The following PRORP variants were observed in gnomAD, a reference collection of about 807,000 sequenced individuals.
The protein encoded by PRORP is protein only RNase P catalytic subunit.
PRORP carries 51 observed loss-of-function variants against 59.4 expected under a neutral mutation model. The ratio of observed to expected loss-of-function variants is 0.86; its 90% confidence interval spans 0.69 to 1.08. The LOEUF (loss-of-function observed/expected upper bound fraction) is 1.08, where lower values mean the gene tolerates loss of function less well. PRORP is among the 50% of genes least tolerant of loss of function. PRORP has a pLI of 0.00. For missense variants in PRORP, 646 were observed against 690.3 expected (o/e 0.94, Z 0.72); for synonymous variants, 231 against 245.6 (o/e 0.94, Z 0.55).
At chr14:35,147,399 C>G (rs1340489219) in intron 4 of PRORP, among the ~76,000 whole-genome samples, 1 of 150,974 alleles carries the variant, frequency 6.6e-6, no homozygotes, top group African/African-American at 2.4e-5. Context: ...CTGGAGTGCA[C>G]TGGCAAGATC....
At chr14:35,206,977 A>C (rs1295959754) in intron 5 of PRORP, among the ~76,000 whole-genome samples, 1 of 152,206 alleles carries the variant, frequency 6.6e-6, no homozygotes, top group Non-Finnish European at 1.5e-5. Context: ...TTAACAAATG[A>C]ACTTATTACA....
rs1211692464 is a variant in PRORP at position 35,249,443 on chromosome 14, G to A, written c.1276-17284G>A. On this transcript the variant is annotated intron_variant, in intron 5 of 7. Transcript: ENST00000534898. Reference sequence around the variant, plus strand: ...CAAAAAATAAAAAAATAAAAAATTAGCCAAGTACGATAGCATGCACCTGCA... The same window carrying A: ...CAAAAAATAAAAAAATAAAAAATTAACCAAGTACGATAGCATGCACCTGCA... Among the ~76,000 whole-genome samples, 4 of 152,120 alleles carry A rather than the reference G, an allele frequency of 2.6e-5. No homozygotes were observed. The East Asian group carries it at 7.7e-4, about 29-fold the overall frequency.
intron 4 of PRORP, among the ~76,000 whole-genome samples, chr14:35,164,961 C>G (rs1395200699): frequency 2.0e-5 from 3 of 152,156 alleles, no homozygotes; most frequent in East Asian, 1.9e-4. Flanking sequence ...TGCAAAGTTT[C>G]TCTCCCATTG....
At chr14:35,157,474 C>T (rs1463520166) in intron 4 of PRORP, among the ~76,000 whole-genome samples, 1 of 152,180 alleles carries the variant, frequency 6.6e-6, no homozygotes, top group Non-Finnish European at 1.5e-5. Flanking sequence ...CAAACCACAG[C>T]ATTCATTGTT....
At chr14:35,149,218 C>G (rs2047684617) in intron 4 of PRORP, among the ~76,000 whole-genome samples, 1 of 151,604 alleles carries the variant, frequency 6.6e-6, no homozygotes, top group African/African-American at 2.4e-5. Flanking sequence ...CGCGCCCGGC[C>G]TAATTTTTTT....
At chr14:35,143,651 G>A (rs995207962) in intron 4 of PRORP, among the ~76,000 whole-genome samples, 1 of 144,916 alleles carries the variant, frequency 6.9e-6, no homozygotes, top group Non-Finnish European at 1.5e-5. Context: ...TTGTTTGTTT[G>A]TTTGTTTGTT....
chr14:35,238,432 CAAAG>C (rs2050276489), intron 5 of PRORP, among the ~76,000 whole-genome samples: 1 of 151,992 alleles, frequency 6.6e-6, no homozygotes, highest in Admixed American at 6.6e-5. Context: ...GAAAATGACA[CAAAG>C]AAAGCCAGGT....
At chr14:35,183,530 A>G (rs1035586017) in intron 5 of PRORP, among the ~76,000 whole-genome samples, 2 of 152,162 alleles carry the variant, frequency 1.3e-5, no homozygotes, top group African/African-American at 4.8e-5. Context: ...TTTTCACTAT[A>G]ATAAGTAATA....
intron 6 of PRORP, among the ~76,000 whole-genome samples, chr14:35,269,526 C>A (rs1432674075): frequency 6.6e-6 from 1 of 152,160 alleles, no homozygotes; most frequent in Non-Finnish European, 1.5e-5. Context: ...TTCAAACATA[C>A]ACTAGAGAGA....
rs562525849 is a variant in PRORP, at chr14:35,238,352, T to G, written c.1276-28375T>G. Among the ~76,000 whole-genome samples the G allele has an allele frequency of 2.4e-4, 36 of 152,320 alleles. No homozygotes were observed. The South Asian group carries it at 3.1e-3, about 13-fold the overall frequency. On this transcript the variant is annotated intron_variant, in intron 5 of 7. Transcript: ENST00000534898. The stretch of plus-strand genomic sequence containing the variant: ...CCCTCACTGGGTAGTTCTCTGGATT[T>G]GTTTACACCTGTAGGTTTGGACAGC...
intron 4 of PRORP, among the ~76,000 whole-genome samples, chr14:35,171,719 A>G (rs2048315862): frequency 6.6e-6 from 1 of 152,054 alleles, no homozygotes. Context: ...TGTTTTGGCT[A>G]TTCAAATACT....
intron 3 of PRORP, among the ~76,000 whole-genome samples, chr14:35,127,189 G>A (rs541048691): frequency 4.9e-4 from 75 of 151,836 alleles, no homozygotes; most frequent in African/African-American, 1.6e-3. Context: ...CAGGAGATTC[G>A]AGACCATCCT....
At chr14:35,137,386 A>C (rs2047398907) in intron 4 of PRORP, among the ~76,000 whole-genome samples, 1 of 145,514 alleles carries the variant, frequency 6.9e-6, no homozygotes, top group Non-Finnish European at 1.5e-5. Flanking sequence ...TGAAGGAAAT[A>C]TCATTTGAGG....
At chr14:35,219,002 T>C (rs1036947754) in intron 5 of PRORP, 4 of 152,200 alleles carry the variant, frequency 2.6e-5, no homozygotes, top group Admixed American at 1.3e-4. Context: ...ATCTATAAAA[T>C]TGAAAGTCGA....
rs146627028 is a variant in PRORP, at chr14:35,236,038, T to C, written c.1276-30689T>C. Reference sequence around the variant, plus strand: ...TTGAGCCCAGGAGGCGGAGGTTGCATTGAGCCGAGATTGTGCCACTGCACT... The same window carrying C: ...TTGAGCCCAGGAGGCGGAGGTTGCACTGAGCCGAGATTGTGCCACTGCACT... On this transcript the variant is annotated intron_variant, in intron 5 of 7. Coordinates refer to ENST00000534898, the MANE Select transcript of PRORP (RefSeq NM_014672.4). Among the ~76,000 whole-genome samples, 594 of 147,518 alleles carry C rather than the reference T, an allele frequency of 4.0e-3. 6 individuals carry two copies. The highest frequency in any genetic ancestry group is 0.014 in the African/African-American group (562 of 39,592).
upstream of PRORP, chr14:35,122,137 G>A (rs939991714): frequency 1.6e-6 from 1 of 609,358 alleles, no homozygotes. Flanking sequence ...CACTGCCGCG[G>A]AGAATACCGC....
At position 35,167,778 on chromosome 14, in the gene PRORP, T is replaced by A. The variant is rs889413327; in HGVS notation, c.1168-12892T>A. 4.1e-4 allele frequency among the ~76,000 whole-genome samples: 63 copies of A among 152,226 alleles called. 1 individual carries two copies. Among genetic ancestry groups the A allele is most frequent in the Admixed American group, 3.5e-3 (53 of 15,274 alleles). On this transcript the variant is annotated intron_variant, in intron 4 of 7. Coordinates refer to ENST00000534898, the MANE Select transcript of PRORP (RefSeq NM_014672.4). ...CCACATCTGCTATGACTAAAGCCAG[T>A]TGCTTTAATACCGAATTCACAAAGA...
At chr14:35,161,719 G>T (rs1332658500) in intron 4 of PRORP, among the ~76,000 whole-genome samples, 1 of 151,986 alleles carries the variant, frequency 6.6e-6, no homozygotes, top group Non-Finnish European at 1.5e-5. Context: ...AGAAGAGTGG[G>T]ATTAAAAATA....
chr14:35,129,620 G>A lies in PRORP; in HGVS notation c.1167+2009G>A, dbSNP rs780464932. Among the ~76,000 whole-genome samples, 225 of 151,640 alleles carry A rather than the reference G, an allele frequency of 1.5e-3. 2 individuals are homozygous for A. Among genetic ancestry groups the A allele is most frequent in the Non-Finnish European group, 2.2e-3 (150 of 67,910 alleles). On this transcript the variant is annotated intron_variant, in intron 4 of 7. Transcript: ENST00000534898. ...CTCTTGAGTAACTGGAATTACAGGC[G>A]CACACCACCATGCCCAGCAAATTTT...
Sources: gnomAD v4.1 joint callset for allele counts (sites outside exome capture counted in the v4.1 genomes callset) on GRCh38, gnomAD v4.1.1 for gene constraint, MANE v1.5 for transcripts, NCBI Gene and HGNC (gene_info 2026-07-23, HGNC 2026-07-21) for gene names.